The following ADAMTS7 variants were observed in gnomAD, a reference collection of about 807,000 sequenced individuals.
The protein encoded by ADAMTS7 is A disintegrin and metalloproteinase with thrombospondin motifs 7.
ADAMTS7 carries 89 observed loss-of-function variants against 172.6 expected under a neutral mutation model. That is an observed-to-expected ratio of 0.52 (90% CI 0.43 to 0.61). The LOEUF is 0.61. Among genes scored for constraint, ADAMTS7 ranks in the 20% least tolerant of loss-of-function variants. The pLI is 0.00. For synonymous variants in ADAMTS7, 885 were observed against 978.4 expected (o/e 0.90, Z 1.78); for missense variants, 1,973 against 2,355.6 (o/e 0.84, Z 3.36).
intron 7 of ADAMTS7, 83 bp from the exon 8 acceptor site, chr15:78,788,457 G>A (rs1464596214): frequency 2.4e-5 from 37 of 1,530,062 alleles, no homozygotes; most frequent in African/African-American, 6.8e-5. Context: ...CACAAGGTGC[G>A]CAGTCCTAGT....
Position 78,788,340 on chromosome 15 carries a change from A to G in ADAMTS7, c.1213T>C (p.Cys405Arg). 1.9e-6 allele frequency: 3 copies of G among 1,613,336 alleles called. No homozygotes were observed. The highest frequency in any genetic ancestry group is 2.2e-5 in the South Asian group (2 of 91,036). The change falls in exon 8 of 24, where the codon TGT (cysteine) becomes CGT (arginine). Residue 405 changes from cysteine to arginine, a missense_variant. Cys to Arg is a radical substitution (Grantham distance 180). This residue lies in a region of ADAMTS7 where 526 missense variants were observed against 662.9 expected (regional missense o/e 0.79). Coordinates refer to ENST00000388820, the MANE Select transcript of ADAMTS7 (RefSeq NM_014272.5). ...GIQHDGSGND[C>R]EPVGKRPFIM... is the part of the protein sequence containing the mutation. ...AAAGGTCGTTTCCCAACGGGCTCAC[A>G]GTCATTGCCGCTTCCGTCATGCTGA...
In ADAMTS7 at chr15:78,762,407, A is replaced by C. The variant is rs1371822442; in HGVS notation, c.4899T>G (p.Pro1633=). 1 of 1,466,084 alleles carries C rather than the reference A, an allele frequency of 6.8e-7. No individual in the cohort carries two copies. The highest frequency in any genetic ancestry group is 9.1e-7 in the Non-Finnish European group (1 of 1,104,372). The allele number at this position is 1,466,084 out of a possible 1,614,324, so 90.8% of individuals were successfully genotyped here. ...GCCTGGGGTCAGGGGACTCACGGGG[A>C]GGCTCGACGGGCTCACAATCCTCGG... is the stretch of plus-strand genomic sequence containing the variant. ...CGTEDCEPVE[P]PRCERDRLSF... is the part of the protein sequence containing the mutation. The change falls in exon 23 of 24, where the codon CCT becomes CCG. Residue 1633 remains proline (P), a synonymous_variant. Transcript: ENST00000388820.
intron 4 of ADAMTS7, among the ~76,000 whole-genome samples, chr15:78,793,434 G>A (rs183411670): frequency 6.6e-6 from 1 of 151,484 alleles, no homozygotes; most frequent in African/African-American, 2.4e-5. Flanking sequence ...GCTCACTGCA[G>A]CCGCTGCAGC....
rs2055314650 is a variant in ADAMTS7 at position 78,774,810 on chromosome 15, G to A, written c.1707-17C>T. ...TATTTGGGCCTGTGGGGAGAACCGG[G>A]GTGGGCCCCAGTGACGGCCCAGTGA... On this transcript the variant is annotated splice_polypyrimidine_tract_variant and intron_variant, in intron 11 of 23. Transcript: ENST00000388820. The A allele has an allele frequency of 6.3e-6, 10 of 1,575,606 alleles. No homozygotes were observed. The highest frequency in any genetic ancestry group is 8.6e-6 in the Non-Finnish European group (10 of 1,158,066).
intron 11 of ADAMTS7, among the ~76,000 whole-genome samples, chr15:78,775,299 C>G (rs963760601): frequency 1.1e-4 from 16 of 152,220 alleles, no homozygotes; most frequent in Non-Finnish European, 1.6e-4. Context: ...GCTGAAAGGT[C>G]TGACCTAGCA....
intron 17 of ADAMTS7, 149 bp downstream of exon 17, chr15:78,767,984 G>C: frequency 1.6e-6 from 1 of 634,002 alleles, no homozygotes; most frequent in East Asian, 2.8e-5. Flanking sequence ...AGGGCCTCCA[G>C]GGACCCAGAT....
intron 7 of ADAMTS7, 67 bp downstream of exon 7, chr15:78,789,622 C>T (rs1008483416): frequency 2.3e-5 from 36 of 1,585,208 alleles, no homozygotes; most frequent in Non-Finnish European, 2.9e-5. Flanking sequence ...AGGCTGGATA[C>T]CCGGTGCCCC....
Position 78,811,275 on chromosome 15 carries a change from G to T in ADAMTS7, c.-55C>A. ...CCGCGCGCACGCTCTCGTCCGTCCC[G>T]TCCGGTCGCTGCCTGGTCCCAGGTC... is the stretch of plus-strand genomic sequence containing the variant. On this transcript the variant is annotated 5_prime_UTR_variant, in exon 1 of 24. Transcript: ENST00000388820. 4 of 1,220,790 alleles carry T rather than the reference G, an allele frequency of 3.3e-6. No homozygotes were observed. Among genetic ancestry groups the T allele is most frequent in the Non-Finnish European group, 4.1e-6 (4 of 980,842 alleles). 75.6% of individuals were successfully genotyped at this position (1,220,790 alleles called of 1,614,324 possible).
Position 78,771,065 on chromosome 15 carries a change from C to T in ADAMTS7, c.2518+97G>A. On this transcript the variant is annotated intron_variant, in intron 16 of 23. Transcript: ENST00000388820. This position sits in a 1 kb window ranked among gnomAD's most constrained non-coding sequence, Gnocchi z 4.9. Reference sequence around the variant, plus strand: ...AGGCTCAGAGAAGCAAACTTCCAAACCCGTGGTGGCCCAGCAGTGAGCTGG... The same window carrying T: ...AGGCTCAGAGAAGCAAACTTCCAAATCCGTGGTGGCCCAGCAGTGAGCTGG... 1 of 1,445,900 alleles carries T rather than the reference C, an allele frequency of 6.9e-7. No homozygotes were observed. Among genetic ancestry groups the T allele is most frequent in the Non-Finnish European group, 9.2e-7 (1 of 1,083,252 alleles). The allele number at this position is 1,445,900 out of a possible 1,614,324, so 89.6% of individuals were successfully genotyped here.
chr15:78,790,702 G>A lies in ADAMTS7; in HGVS notation c.996C>T (p.Pro332=). ...GCAGGATGGCAGTGTCATGGTGCAG[G>A]GGATGGGCATCCCCCTTCATGTTGA... ...KSINMKGDAH[P]LHHDTAILLT... The change falls in exon 6 of 24, where the codon CCC becomes CCT. Residue 332 remains proline (P), a synonymous_variant. Coordinates refer to ENST00000388820, the MANE Select transcript of ADAMTS7 (RefSeq NM_014272.5). The A allele has an allele frequency of 6.2e-7, 1 of 1,613,986 alleles. No homozygotes were observed. The highest frequency in any genetic ancestry group is 8.5e-7 in the Non-Finnish European group (1 of 1,180,024).
chr15:78,778,815 G>A (rs1484449068), intron 8 of ADAMTS7, among the ~76,000 whole-genome samples: 1 of 152,172 alleles, frequency 6.6e-6, no homozygotes, highest in Non-Finnish European at 1.5e-5. Context: ...GGTTGCACAG[G>A]GAAGAAGGGC....
chr15:78,800,099 A>T (rs898191142), intron 2 of ADAMTS7, 93 bp downstream of exon 2: 1 of 1,186,972 alleles, frequency 8.4e-7, no homozygotes, highest in Admixed American at 2.5e-5. Flanking sequence ...GCACTGGGCA[A>T]AGCCACCAGA....
intron 1 of ADAMTS7, among the ~76,000 whole-genome samples, chr15:78,804,085 G>A (rs8041974): frequency 0.027 from 4,116 of 152,294 alleles, 122 homozygotes; most frequent in East Asian, 0.11. Flanking sequence ...GAGGTGGAGA[G>A]ACTGGCCTAG....
At chr15:78,808,721 C>T (rs2055828175) in intron 1 of ADAMTS7, among the ~76,000 whole-genome samples, 1 of 152,130 alleles carries the variant, frequency 6.6e-6, no homozygotes, top group African/African-American at 2.4e-5. Flanking sequence ...GTTCCAGTCT[C>T]GACCGGTTAT....
rs2055298256 is a variant in ADAMTS7 at position 78,774,140 on chromosome 15, G to A, written c.2010+27C>T. 1.9e-6 allele frequency: 3 copies of A among 1,588,828 alleles called. No homozygotes were observed. In the Admixed American group the frequency reaches 5.1e-5, roughly 27 times the overall value. On this transcript the variant is annotated intron_variant, in intron 13 of 23. Coordinates refer to ENST00000388820, the MANE Select transcript of ADAMTS7 (RefSeq NM_014272.5). ...GTGGGGCTGGGGGCAGGCAGTGCTG[G>A]GAGAGCCTCTTCCTAACCAGGCACA...
chr15:78,761,872 C>T, intron 23 of ADAMTS7: 1 of 985,222 alleles, frequency 1.0e-6, no homozygotes, highest in Non-Finnish European at 1.2e-6. Flanking sequence ...CTGGGATTAA[C>T]AGGACCCTGG....
intron 3 of ADAMTS7, 83 bp downstream of exon 3, chr15:78,797,865 G>T: frequency 6.8e-7 from 1 of 1,478,656 alleles, no homozygotes; most frequent in Non-Finnish European, 9.1e-7. Flanking sequence ...TGGGCATGGG[G>T]ATGTTAAGGG....
intron 16 of ADAMTS7, among the ~76,000 whole-genome samples, chr15:78,769,405 A>AT (rs1298731171): frequency 1.3e-5 from 2 of 152,106 alleles, no homozygotes; most frequent in East Asian, 3.9e-4. Flanking sequence ...ACAGATTCTG[A>AT]TTTTGTTCAA....
rs2055567975 is a variant in ADAMTS7 at position 78,790,730 on chromosome 15, C to G, written c.968G>C (p.Ser323Thr). The G allele has an allele frequency of 6.2e-7, 1 of 1,613,952 alleles. No individual in the cohort carries two copies. Among genetic ancestry groups the G allele is most frequent in the African/African-American group, 1.3e-5 (1 of 74,928 alleles). The change falls in exon 6 of 24, where the codon AGC (serine) becomes ACC (threonine). Residue 323 changes from serine to threonine, a missense_variant. Transcript: ENST00000388820. ...TLKSFCKWQKSINMKGDAHPL... is the reference protein window; with the variant it reads ...TLKSFCKWQKTINMKGDAHPL... ...ATGGGCATCCCCCTTCATGTTGATG[C>G]TTTTCTGCCACTTGCAGAAGCTCTT...
Sources: gnomAD v4.1 joint callset for allele counts (sites outside exome capture counted in the v4.1 genomes callset) on GRCh38, gnomAD v4.1.1 for gene constraint, gnomAD v4.1.1 regional missense constraint, Gnocchi (gnomAD v3.1) non-coding constraint, MANE v1.5 for transcripts, NCBI Gene and HGNC (gene_info 2026-07-23, HGNC 2026-07-21) for gene names.